Variants in DLGAP2 observed in about 807,000 individuals in gnomAD.
DLGAP2 encodes the protein DLG associated protein 2, also known as disks large-associated protein 2.
Under a neutral mutation model 100.3 loss-of-function variants are expected in DLGAP2, and 26 were observed. The observed-to-expected ratio is 0.26, with a 90% CI of 0.19 to 0.36. DLGAP2 has a LOEUF of 0.36. DLGAP2 is among the 10% of genes least tolerant of loss of function. The pLI, the probability that DLGAP2 is intolerant of heterozygous loss-of-function variation, is 1.00. For synonymous variants in DLGAP2, 886 were observed against 630.1 expected, an observed-to-expected ratio of 1.41 and a Z score of -6.08; for missense variants, 1,858 against 1,453.2, an observed-to-expected ratio of 1.28 and a Z score of -4.53.
intron 3 of DLGAP2, among the ~76,000 whole-genome samples, chr8:1,266,357 G>A (rs544273667): frequency 2.0e-5 from 3 of 152,208 alleles, no homozygotes; most frequent in African/African-American, 4.8e-5. Flanking sequence ...ATTCACCTGG[G>A]TGATACTCTG....
intron 1 of DLGAP2, among the ~76,000 whole-genome samples, chr8:764,065 C>T (rs1008010537): frequency 1.3e-5 from 2 of 152,178 alleles, no homozygotes; most frequent in Middle Eastern, 6.3e-3. Flanking sequence ...TAACCTGTAA[C>T]CACATTTAGT....
rs142019694 is a variant in DLGAP2, at chr8:1,115,628, G to T, written c.74-143223G>T. 3.3e-5 allele frequency among the ~76,000 whole-genome samples: 5 copies of T among 152,250 alleles called. No homozygotes were observed. The East Asian group carries it at 5.8e-4, about 18-fold the overall frequency. Reference sequence around the variant, plus strand: ...GCATCTTTAGGGATCCTTCTTGTAGGCAGTGGTAAAATCAAACAATTCAGA... The same window carrying T: ...GCATCTTTAGGGATCCTTCTTGTAGTCAGTGGTAAAATCAAACAATTCAGA... On this transcript the variant is annotated intron_variant, in intron 2 of 14. Transcript: ENST00000637795.
chr8:1,243,974 C>T (rs1798852631), intron 2 of DLGAP2, among the ~76,000 whole-genome samples: 1 of 152,136 alleles, frequency 6.6e-6, no homozygotes, highest in South Asian at 2.1e-4. Context: ...CTCCGCACTC[C>T]ACCATAGGGA....
At chr8:1,257,016 G>T (rs942444422) in intron 2 of DLGAP2, among the ~76,000 whole-genome samples, 2 of 152,020 alleles carry the variant, frequency 1.3e-5, no homozygotes, top group Non-Finnish European at 2.9e-5. Flanking sequence ...TCTACTTCAG[G>T]TCCTGCCCTG....
intron 6 of DLGAP2, among the ~76,000 whole-genome samples, chr8:1,585,352 T>C (rs1268140580): frequency 2.3e-5 from 3 of 132,184 alleles, no homozygotes; most frequent in African/African-American, 8.1e-5. Flanking sequence ...TAATCCCAGG[T>C]ACCCAGGTGG....
chr8:749,500 A>G (rs1438935043), intron 1 of DLGAP2, among the ~76,000 whole-genome samples: 2 of 151,976 alleles, frequency 1.3e-5, no homozygotes, highest in Non-Finnish European at 2.9e-5. Context: ...ATTTGCCTGT[A>G]TATTCAAAAC....
In DLGAP2 at chr8:1,697,194, C is replaced by T. The variant is rs748658602; in HGVS notation, c.2844C>T (p.Tyr948=). Residue 948 remains tyrosine, a synonymous_variant, in exon 14 of 15, where the codon TAC becomes TAT. Transcript: ENST00000637795. Reference sequence around the variant, plus strand: ...CGACGTCGCAGGACCTGGCCGGCTACTGGGACATGCTGCAGCTCTCCATTG... The same window carrying T: ...CGACGTCGCAGGACCTGGCCGGCTATTGGGACATGCTGCAGCTCTCCATTG... The part of the protein sequence containing the change: ...PRPTSQDLAG[Y]WDMLQLSIED... The T allele has an allele frequency of 2.5e-6, 4 of 1,609,682 alleles. No individual in the cohort carries two copies. The highest frequency in any genetic ancestry group is 3.3e-4 in the Middle Eastern group (2 of 6,050).
intron 1 of DLGAP2, among the ~76,000 whole-genome samples, chr8:745,947 G>A (rs1820608002): frequency 1.3e-5 from 2 of 152,208 alleles, no homozygotes; most frequent in Admixed American, 1.3e-4. Context: ...CTCAGCGCCA[G>A]GCCACCTGCC....
At chr8:800,708 CTG>C (rs1796132037) in intron 1 of DLGAP2, among the ~76,000 whole-genome samples, 1 of 151,888 alleles carries the variant, frequency 6.6e-6, no homozygotes, top group Admixed American at 6.6e-5. Flanking sequence ...ATGTGTGTGT[CTG>C]TGTGTCCATG....
rs146125258 is a variant in DLGAP2 at position 1,111,981 on chromosome 8, C to T, written c.74-146870C>T. Among the ~76,000 whole-genome samples the T allele has an allele frequency of 5.6e-3, 858 of 152,220 alleles. 2 individuals carry two copies. The highest frequency in any genetic ancestry group is 0.02 in the Middle Eastern group (6 of 294). On this transcript the variant is annotated intron_variant, in intron 2 of 14. Transcript: ENST00000637795. ...CTTGTAACTCTTTGAGGAATCACCA[C>T]ACACTGCTTTCCACAGGGGTTGAAC...
chr8:1,136,929 G>T (rs936079681), intron 2 of DLGAP2, among the ~76,000 whole-genome samples: 2 of 152,214 alleles, frequency 1.3e-5, no homozygotes, highest in African/African-American at 4.8e-5. Flanking sequence ...TTCTGTTTGT[G>T]CTGCTTCAAC....
intron 2 of DLGAP2, among the ~76,000 whole-genome samples, chr8:1,130,893 C>T (rs1796279290): frequency 1.4e-5 from 2 of 147,986 alleles, no homozygotes; most frequent in Non-Finnish European, 3.0e-5. Context: ...AGCTCGGCAG[C>T]GGCTGGGCTG....
At chr8:1,512,262 A>G (rs1471607019) in intron 4 of DLGAP2, among the ~76,000 whole-genome samples, 2 of 152,248 alleles carry the variant, frequency 1.3e-5, no homozygotes, top group Non-Finnish European at 2.9e-5. Flanking sequence ...CAAAGAAACA[A>G]ATGTCCCATA....
At chr8:813,303 T>C (rs891527062) in intron 1 of DLGAP2, among the ~76,000 whole-genome samples, 1 of 152,134 alleles carries the variant, frequency 6.6e-6, no homozygotes, top group Non-Finnish European at 1.5e-5. Context: ...TTGGGATTGT[T>C]AGTTACAGTA....
intron 8 of DLGAP2, among the ~76,000 whole-genome samples, chr8:1,655,091 C>G (rs1312460187): frequency 1.3e-5 from 2 of 152,190 alleles, no homozygotes; most frequent in Non-Finnish European, 2.9e-5. Flanking sequence ...TTAACACATT[C>G]AAAATAGACA....
At chr8:1,678,749 ATG>A in intron 12 of DLGAP2, 120 bp downstream of exon 12, 1 of 1,143,896 alleles carries the variant, frequency 8.7e-7, no homozygotes, top group Non-Finnish European at 1.2e-6. Flanking sequence ...AGGGAAATAA[ATG>A]TGCTTTCTAG....
intron 1 of DLGAP2, among the ~76,000 whole-genome samples, chr8:752,573 G>A (rs1440779882): frequency 6.6e-6 from 1 of 152,182 alleles, no homozygotes; most frequent in African/African-American, 2.4e-5. Context: ...TCAGAAGGAG[G>A]GGATGGGGCA....
In DLGAP2 at chr8:1,697,053, C is replaced by T. The variant is rs1799416160; in HGVS notation, c.2797-94C>T. Reference sequence around the variant, plus strand: ...ATTAGCCAGGCTTCTCCCTAATCCGCCTCTTGAAAGGCATGCGTGGGGAGG... The same window carrying T: ...ATTAGCCAGGCTTCTCCCTAATCCGTCTCTTGAAAGGCATGCGTGGGGAGG... On this transcript the variant is annotated intron_variant, in intron 13 of 14. Transcript: ENST00000637795. 2.3e-6 allele frequency: 3 copies of T among 1,314,402 alleles called. No homozygotes were observed. In the Admixed American group the frequency reaches 1.0e-4, roughly 46 times the overall value. 81.4% of individuals were successfully genotyped at this position (1,314,402 alleles called of 1,614,324 possible). A position where few individuals can be genotyped will look rare whatever the true frequency, so the allele number is the denominator to read the frequency against.
At chr8:1,005,937 C>T (rs773238834) in intron 2 of DLGAP2, among the ~76,000 whole-genome samples, 1 of 152,210 alleles carries the variant, frequency 6.6e-6, no homozygotes, top group Non-Finnish European at 1.5e-5. Context: ...CCTGGTCTGG[C>T]GCGGTGGCTC....
Sources: gnomAD v4.1 joint callset for allele counts (sites outside exome capture counted in the v4.1 genomes callset) on GRCh38, gnomAD v4.1.1 for gene constraint, MANE v1.5 for transcripts, NCBI Gene and HGNC (gene_info 2026-07-23, HGNC 2026-07-21) for gene names.